CAMKMT: variants seen among roughly 807,000 people sequenced by gnomAD.
The protein encoded by CAMKMT is CaM KMT.
A neutral mutation model predicts 48.0 loss-of-function variants in CAMKMT; 53 were observed. The ratio of observed to expected loss-of-function variants is 1.10; its 90% CI spans 0.89 to 1.39. The LOEUF is 1.39. Ranked by LOEUF, CAMKMT falls within the 40% of genes most tolerant of loss-of-function variation. The probability of loss-of-function intolerance (pLI) is 0.00; values close to 1 mark genes in which losing one functional copy is unlikely to be tolerated. For synonymous variants in CAMKMT, 165 were observed against 152.3 expected (o/e 1.08, Z -0.61); for missense variants, 428 against 402.7 (o/e 1.06, Z -0.54).
At chr2:44,634,671 G>A in intron 3 of CAMKMT, among the ~76,000 whole-genome samples, 1 of 151,948 alleles carries the variant, frequency 6.6e-6, no homozygotes, top group Non-Finnish European at 1.5e-5. Flanking sequence ...GGACAAACAT[G>A]TAATATAAAT....
intron 3 of CAMKMT, among the ~76,000 whole-genome samples, chr2:44,644,941 G>A (rs1673651338): frequency 6.6e-6 from 1 of 152,106 alleles, no homozygotes; most frequent in South Asian, 2.1e-4. Context: ...AGAAGCAAGA[G>A]TTCTGTCGTT....
At chr2:44,450,936 T>C (rs1434957580) in intron 3 of CAMKMT, among the ~76,000 whole-genome samples, 2 of 152,140 alleles carry the variant, frequency 1.3e-5, no homozygotes, top group Non-Finnish European at 2.9e-5. Context: ...TTTCCAACTC[T>C]CTGTGCTCTC....
intron 3 of CAMKMT, among the ~76,000 whole-genome samples, chr2:44,565,936 C>T (rs1668591711): frequency 6.6e-6 from 1 of 152,096 alleles, no homozygotes; most frequent in African/African-American, 2.4e-5. Context: ...TTTGTCATGC[C>T]ACAACATGTG....
intron 3 of CAMKMT, among the ~76,000 whole-genome samples, chr2:44,659,060 T>TTGTG (rs149216364): frequency 8.0e-5 from 12 of 149,390 alleles, no homozygotes; most frequent in East Asian, 7.7e-4. Context: ...AAAACCACTT[T>TTGTG]TGTGTGTGTG....
chr2:44,403,893 ATTCT>A (rs1558583162), intron 3 of CAMKMT, among the ~76,000 whole-genome samples: 1 of 152,164 alleles, frequency 6.6e-6, no homozygotes, highest in Admixed American at 6.5e-5. Flanking sequence ...AATTTTAGAA[ATTCT>A]TTCTTCCCTA....
intron 3 of CAMKMT, among the ~76,000 whole-genome samples, chr2:44,511,681 G>T (rs1430189079): frequency 6.6e-6 from 1 of 152,146 alleles, no homozygotes; most frequent in Non-Finnish European, 1.5e-5. Context: ...AAGTAAAAAG[G>T]TACTTCAACT....
chr2:44,511,950 G>C (rs1362844937), intron 3 of CAMKMT, among the ~76,000 whole-genome samples: 1 of 152,194 alleles, frequency 6.6e-6, no homozygotes, highest in Non-Finnish European at 1.5e-5. Context: ...TACCTAGGCT[G>C]TCCCTCTTGT....
At chr2:44,535,783 C>T (rs1425861421) in intron 3 of CAMKMT, among the ~76,000 whole-genome samples, 1 of 152,140 alleles carries the variant, frequency 6.6e-6, no homozygotes, top group Non-Finnish European at 1.5e-5. Flanking sequence ...TAACATCATA[C>T]TGAGTGGGGG....
Position 44,523,705 on chromosome 2 carries a change from T to G in CAMKMT, c.376+133400T>G, listed in dbSNP as rs1671247118. Among the ~76,000 whole-genome samples, 3 of 151,708 alleles carry G rather than the reference T, an allele frequency of 2.0e-5. No homozygotes were observed. The South Asian group carries it at 6.2e-4, about 32-fold the overall frequency. On this transcript the variant is annotated intron_variant, in intron 3 of 10. Transcript: ENST00000378494. ...GACTATAGAGTACCTGTATATGACC[T>G]CTATGGGGCTTGGACTTCTTGCATG... is the stretch of plus-strand genomic sequence containing the variant.
chr2:44,518,223 GTC>G (rs995306442), intron 3 of CAMKMT, among the ~76,000 whole-genome samples: 5 of 151,724 alleles, frequency 3.3e-5, no homozygotes, highest in Admixed American at 6.6e-5. Flanking sequence ...TACAAGTCTT[GTC>G]TCTCTGGTTA....
At chr2:44,451,956 C>T (rs947395485) in intron 3 of CAMKMT, among the ~76,000 whole-genome samples, 2 of 151,596 alleles carry the variant, frequency 1.3e-5, no homozygotes, top group African/African-American at 2.4e-5. Flanking sequence ...TTTTACTTAT[C>T]TAAGCATAAC....
At chr2:44,603,571 T>A (rs1671121595) in intron 3 of CAMKMT, among the ~76,000 whole-genome samples, 1 of 152,298 alleles carries the variant, frequency 6.6e-6, no homozygotes, top group African/African-American at 2.4e-5. Flanking sequence ...GTCAGCTGAG[T>A]GATTTTTCTG....
intron 3 of CAMKMT, among the ~76,000 whole-genome samples, chr2:44,411,417 T>C (rs557984092): frequency 8.1e-4 from 124 of 152,350 alleles, no homozygotes; most frequent in Non-Finnish European, 1.5e-3. Flanking sequence ...GTATACTTTA[T>C]ACTCAATTGC....
At chr2:44,470,348 T>G (rs568500506) in intron 3 of CAMKMT, among the ~76,000 whole-genome samples, 2 of 152,334 alleles carry the variant, frequency 1.3e-5, no homozygotes, top group Non-Finnish European at 2.9e-5. Flanking sequence ...TACCAGCCAC[T>G]TGTCCTTTGT....
intron 3 of CAMKMT, among the ~76,000 whole-genome samples, chr2:44,609,132 C>T (rs1404488079): frequency 6.6e-6 from 1 of 152,168 alleles, no homozygotes; most frequent in African/African-American, 2.4e-5. Flanking sequence ...TACTGTAGCT[C>T]GTGTCCTAAG....
chr2:44,437,612 CT>C (rs1423684904), intron 3 of CAMKMT, among the ~76,000 whole-genome samples: 2 of 152,076 alleles, frequency 1.3e-5, no homozygotes, highest in Non-Finnish European at 2.9e-5. Context: ...CTTTGGGAGG[CT>C]GAGGTGGTTG....
chr2:44,603,915 A>T (rs1671140638), intron 3 of CAMKMT, among the ~76,000 whole-genome samples: 1 of 152,214 alleles, frequency 6.6e-6, no homozygotes, highest in Non-Finnish European at 1.5e-5. Flanking sequence ...GGAATTTATA[A>T]TCTAGTTGTG....
chr2:44,476,766 C>T (rs1291963252), intron 3 of CAMKMT, among the ~76,000 whole-genome samples: 1 of 152,104 alleles, frequency 6.6e-6, no homozygotes, highest in Non-Finnish European at 1.5e-5. Context: ...AATTTGTAAT[C>T]CACAGACCTC....
At chr2:44,425,977 C>T (rs943723493) in intron 3 of CAMKMT, among the ~76,000 whole-genome samples, 3 of 152,088 alleles carry the variant, frequency 2.0e-5, no homozygotes, top group African/African-American at 2.4e-5. Flanking sequence ...GTGATCCACC[C>T]GCCTTGGCCT....
Sources: gnomAD v4.1 joint callset for allele counts (sites outside exome capture counted in the v4.1 genomes callset) on GRCh38, gnomAD v4.1.1 for gene constraint, MANE v1.5 for transcripts, NCBI Gene and HGNC (gene_info 2026-07-23, HGNC 2026-07-21) for gene names.